GABRG3: variants seen among roughly 807,000 people sequenced by gnomAD.
The protein encoded by GABRG3 is gamma-aminobutyric acid receptor subunit gamma-3.
A neutral mutation model predicts 48.8 loss-of-function variants in GABRG3; 25 were observed. That is an observed-to-expected ratio of 0.51 (90% CI 0.37 to 0.72). The LOEUF (loss-of-function observed/expected upper bound fraction) is 0.72. Among genes scored for constraint, GABRG3 ranks in the 30% least tolerant of loss-of-function variants. The pLI, the probability that GABRG3 is intolerant of heterozygous loss-of-function variation, is 0.00. For missense variants in GABRG3, 394 were observed against 577.9 expected, an observed-to-expected ratio of 0.68 and a Z score of 3.26; for synonymous variants, 227 against 217.6, an observed-to-expected ratio of 1.04 and a Z score of -0.38.
At chr15:26,981,338 A>G (rs1393415741) in intron 2 of GABRG3, among the ~76,000 whole-genome samples, 4 of 152,222 alleles carry the variant, frequency 2.6e-5, no homozygotes, top group African/African-American at 9.6e-5. Context: ...ACGGATTTCT[A>G]GCCTGATTCC....
chr15:26,984,083 T>C (rs1299982077), intron 2 of GABRG3, among the ~76,000 whole-genome samples: 1 of 152,170 alleles, frequency 6.6e-6, no homozygotes, highest in Non-Finnish European at 1.5e-5. Context: ...GAGTTTCTTC[T>C]AGCATCAGTT....
chr15:27,462,150 G>A (rs1487225789), intron 5 of GABRG3, among the ~76,000 whole-genome samples: 1 of 151,918 alleles, frequency 6.6e-6, no homozygotes, highest in Admixed American at 6.6e-5. Flanking sequence ...CTCCTTCCGG[G>A]TCTTATAGGG....
intron 3 of GABRG3, among the ~76,000 whole-genome samples, chr15:27,135,087 T>G (rs1281292106): frequency 8.5e-5 from 13 of 152,232 alleles, no homozygotes; most frequent in Admixed American, 8.5e-4. Flanking sequence ...TGAAAACTTT[T>G]ATTCTAACAT....
At chr15:27,041,825 G>A (rs1351100811) in intron 3 of GABRG3, among the ~76,000 whole-genome samples, 1 of 152,166 alleles carries the variant, frequency 6.6e-6, no homozygotes, top group East Asian at 1.9e-4. Context: ...CACAGCAAGA[G>A]GAGAGGTGCC....
At chr15:27,362,201 T>A (rs1325204489) in intron 5 of GABRG3, 2 of 152,228 alleles carry the variant, frequency 1.3e-5, no homozygotes, top group Non-Finnish European at 2.9e-5. Context: ...AAAAGAATGT[T>A]AAAAGCACAG....
At chr15:27,509,523 G>A (rs1427875720) in intron 6 of GABRG3, among the ~76,000 whole-genome samples, 6 of 152,060 alleles carry the variant, frequency 3.9e-5, no homozygotes, top group Admixed American at 3.9e-4. Context: ...TCTCTGTCCT[G>A]ATTTTTTAAC....
At chr15:27,191,031 C>T (rs1034742373) in intron 3 of GABRG3, among the ~76,000 whole-genome samples, 5 of 152,100 alleles carry the variant, frequency 3.3e-5, no homozygotes, top group Non-Finnish European at 5.9e-5. Flanking sequence ...TGTAGTTGAG[C>T]AGTTTTGAGT....
intron 5 of GABRG3, among the ~76,000 whole-genome samples, chr15:27,393,613 C>G (rs1052914769): frequency 3.3e-5 from 5 of 152,160 alleles, no homozygotes; most frequent in Non-Finnish European, 5.9e-5. Context: ...CTCTCACTTC[C>G]ACAGATAGAA....
At chr15:27,480,527 T>A (rs140676) in intron 5 of GABRG3, 123 bp from the exon 6 acceptor site, 489,304 of 856,652 alleles carry the variant, frequency 0.57, 142,024 homozygotes, top group African/African-American at 0.72. Flanking sequence ...AAATTGAGAG[T>A]GCACATATGG....
intron 5 of GABRG3, among the ~76,000 whole-genome samples, chr15:27,459,716 T>C (rs1211273791): frequency 6.6e-6 from 1 of 152,204 alleles, no homozygotes; most frequent in Non-Finnish European, 1.5e-5. Flanking sequence ...CACTGGTCAT[T>C]AGATGGTCTT....
At chr15:27,181,539 T>G (rs1427818980) in intron 3 of GABRG3, among the ~76,000 whole-genome samples, 1 of 152,236 alleles carries the variant, frequency 6.6e-6, no homozygotes, top group East Asian at 1.9e-4. Flanking sequence ...GATTTCTGTC[T>G]GAATGAATTT....
In GABRG3 at chr15:27,256,313, C is replaced by T. The variant is rs187589836; in HGVS notation, c.271-70496C>T. ...AAAATTAGCCGGGTGCGATGGAGGG[C>T]GCCTGTAGGCCCAGCTACTTGGGAG... On this transcript the variant is annotated intron_variant, in intron 3 of 9. Coordinates refer to ENST00000615808, the MANE Select transcript of GABRG3 (RefSeq NM_033223.5). 6.1e-4 allele frequency among the ~76,000 whole-genome samples: 93 copies of T among 151,948 alleles called. 4 individuals are homozygous for T. The highest frequency in any genetic ancestry group is 5.1e-3 in the Admixed American group (78 of 15,258).
At chr15:27,435,556 C>G (rs1320364127) in intron 5 of GABRG3, among the ~76,000 whole-genome samples, 1 of 152,158 alleles carries the variant, frequency 6.6e-6, no homozygotes, top group Non-Finnish European at 1.5e-5. Context: ...TTGTCTGTCT[C>G]TGACCACCAG....
chr15:26,982,925 G>A (rs548224502), intron 2 of GABRG3, among the ~76,000 whole-genome samples: 2 of 152,148 alleles, frequency 1.3e-5, no homozygotes, highest in South Asian at 4.1e-4. Context: ...TGATCCCTGG[G>A]ACAAATTAGG....
chr15:27,016,872 G>A (rs916679433), intron 2 of GABRG3, among the ~76,000 whole-genome samples: 1 of 152,072 alleles, frequency 6.6e-6, no homozygotes, highest in East Asian at 1.9e-4. Flanking sequence ...GATCAAGTCT[G>A]CTATTGAGTA....
chr15:27,213,866 G>A (rs577268579), intron 3 of GABRG3, among the ~76,000 whole-genome samples: 2 of 152,266 alleles, frequency 1.3e-5, no homozygotes, highest in Admixed American at 6.5e-5. Context: ...AGGCAGGAAC[G>A]TGGAGCAGGT....
intron 7 of GABRG3, among the ~76,000 whole-genome samples, chr15:27,524,065 A>G (rs1466359952): frequency 6.6e-6 from 1 of 152,112 alleles, no homozygotes; most frequent in Non-Finnish European, 1.5e-5. Flanking sequence ...GTTAAATCCA[A>G]AGAATGTTAG....
chr15:27,334,895 C>T lies in GABRG3; in HGVS notation c.574+6007C>T, dbSNP rs555048922. On this transcript the variant is annotated intron_variant, in intron 5 of 9. Transcript: ENST00000615808. The stretch of plus-strand genomic sequence containing the variant: ...CCCCACAAAAAAGTGATAAATGAGA[C>T]CTTGTCAAAAGTGAAAACTTTTGGT... 6.6e-5 allele frequency among the ~76,000 whole-genome samples: 10 copies of T among 152,202 alleles called. No homozygotes were observed. In the South Asian group the frequency reaches 2.1e-3, roughly 32 times the overall value.
intron 5 of GABRG3, among the ~76,000 whole-genome samples, chr15:27,446,889 C>A (rs1888960828): frequency 6.6e-6 from 1 of 151,990 alleles, no homozygotes; most frequent in African/African-American, 2.4e-5. Context: ...ACACATACAC[C>A]CCCAACACAC....
Sources: allele counts gnomAD v4.1 joint callset (sites outside exome capture counted in the v4.1 genomes callset), GRCh38; gene constraint gnomAD v4.1.1; transcripts MANE v1.5; gene names NCBI Gene and HGNC (gene_info 2026-07-23, HGNC 2026-07-21).